The following TPPP variants were observed in gnomAD, a reference collection of about 807,000 sequenced individuals.
The protein encoded by TPPP is tubulin polymerization promoting protein.
Under a neutral mutation model 15.5 loss-of-function variants are expected in TPPP, and 6 were observed. That is an observed-to-expected ratio of 0.39 (90% CI 0.21 to 0.77). The LOEUF is 0.77. TPPP is among the 30% of genes least tolerant of loss of function. The probability of loss-of-function intolerance (pLI) is 0.42; values close to 1 mark genes in which losing one functional copy is unlikely to be tolerated. For synonymous variants in TPPP, 146 were observed against 133.9 expected (o/e 1.09, Z -0.63); for missense variants, 269 against 307.2 (o/e 0.88, Z 0.93).
intron 2 of TPPP, chr5:667,254 G>GA (rs1454696378): frequency 6.6e-6 from 1 of 152,232 alleles, no homozygotes; most frequent in Non-Finnish European, 1.5e-5. Context: ...AGCCCAGGGG[G>GA]AGTCTGGCTC....
chr5:667,526 A>C (rs1217887895), intron 2 of TPPP, among the ~76,000 whole-genome samples: 1 of 152,220 alleles, frequency 6.6e-6, no homozygotes, highest in Non-Finnish European at 1.5e-5. Flanking sequence ...AGAAATGGCA[A>C]CAAAACATGG....
intron 1 of TPPP, among the ~76,000 whole-genome samples, chr5:685,752 G>A (rs1213005583): frequency 1.3e-5 from 2 of 152,218 alleles, no homozygotes; most frequent in Non-Finnish European, 2.9e-5. Flanking sequence ...TGGCCACTCT[G>A]GGGACGGCCA....
At chr5:669,002 C>T (rs1200869313) in intron 2 of TPPP, among the ~76,000 whole-genome samples, 2 of 152,238 alleles carry the variant, frequency 1.3e-5, no homozygotes, top group East Asian at 1.9e-4. Context: ...ACACGCGTGT[C>T]CTAAAGACAC....
chr5:694,873 C>A (rs1397083824), upstream of TPPP, among the ~76,000 whole-genome samples: 1 of 1,202 alleles, frequency 8.3e-4, no homozygotes, highest in African/African-American at 2.6e-3. Flanking sequence ...CAAGGGGACT[C>A]TTCAGTGCAT....
At chr5:697,673 C>T (rs906214779), upstream of TPPP, among the ~76,000 whole-genome samples, 20 of 152,044 alleles carry the variant, frequency 1.3e-4, no homozygotes, top group African/African-American at 4.8e-4. Context: ...GTTTTCCCCA[C>T]TGCCAGAAGT....
chr5:683,219 C>A (rs1046367792), intron 1 of TPPP, among the ~76,000 whole-genome samples: 10 of 152,200 alleles, frequency 6.6e-5, no homozygotes, highest in African/African-American at 2.4e-4. Context: ...GGTGCAGCCC[C>A]CTCCCCATCT....
intron 2 of TPPP, among the ~76,000 whole-genome samples, chr5:671,847 A>G (rs960361946): frequency 5.9e-5 from 9 of 152,200 alleles, no homozygotes; most frequent in African/African-American, 2.2e-4. Context: ...ACCCACAGCA[A>G]TGGAGGGACA....
At chr5:687,217 C>G (rs1338339738) in intron 1 of TPPP, among the ~76,000 whole-genome samples, 3 of 141,502 alleles carry the variant, frequency 2.1e-5, no homozygotes, top group East Asian at 3.9e-4. Flanking sequence ...CTTCTGGTCT[C>G]CAGGAGGATG....
chr5:676,983 C>T lies in TPPP; in HGVS notation c.311+767G>A, dbSNP rs560143620. Among the ~76,000 whole-genome samples, 164 of 113,730 alleles carry T rather than the reference C, an allele frequency of 1.4e-3. No homozygotes were observed. In the Middle Eastern group the frequency reaches 0.024, roughly 17 times the overall value. 74.6% of individuals were successfully genotyped at this position (113,730 alleles called of 152,430 possible). A position where few individuals can be genotyped will look rare whatever the true frequency, so the allele number is the denominator to read the frequency against. The stretch of plus-strand genomic sequence containing the variant: ...CGTGCACACAGAAACGCACACACGA[C>T]GCAGAAACGCGCACACGTGCACACG... On this transcript the variant is annotated intron_variant, in intron 2 of 3. Transcript: ENST00000360578.
At chr5:693,867 G>C (rs1188515884), upstream of TPPP, among the ~76,000 whole-genome samples, 1 of 149,534 alleles carries the variant, frequency 6.7e-6, no homozygotes, top group Non-Finnish European at 1.5e-5. Context: ...CGGCAGGGCC[G>C]GGCTGTGAGG....
chr5:698,637 C>G, the TPPP span, among the ~76,000 whole-genome samples: 5 of 151,854 alleles, frequency 3.3e-5, no homozygotes, highest in Non-Finnish European at 7.4e-5. Context: ...GAGACTTATT[C>G]ACTCCCATGA....
intron 1 of TPPP, among the ~76,000 whole-genome samples, chr5:691,719 C>T (rs1379193571): frequency 1.4e-4 from 6 of 41,902 alleles, no homozygotes; most frequent in Non-Finnish European, 3.0e-4. Context: ...AACAATAGCC[C>T]CCAACCCCCA....
chr5:669,541 C>T (rs183255124), intron 2 of TPPP, among the ~76,000 whole-genome samples: 27 of 152,302 alleles, frequency 1.8e-4, no homozygotes, highest in African/African-American at 6.3e-4. Context: ...TATTCCCACC[C>T]TGCCCAAGCT....
At chr5:674,433 G>A (rs370710526) in intron 2 of TPPP, among the ~76,000 whole-genome samples, 11 of 150,838 alleles carry the variant, frequency 7.3e-5, no homozygotes, top group Non-Finnish European at 1.3e-4. Flanking sequence ...GCCACACTGC[G>A]AACCCCACCT....
intron 1 of TPPP, chr5:692,605 C>T (rs1457109676): frequency 1.4e-5 from 14 of 983,596 alleles, no homozygotes; most frequent in East Asian, 1.1e-4. Context: ...GAATAAAGGG[C>T]TCCTCAGATC....
intron 1 of TPPP, among the ~76,000 whole-genome samples, chr5:693,056 A>G (rs558539069): frequency 0.075 from 10,953 of 146,884 alleles, 808 homozygotes; most frequent in African/African-American, 0.26. Context: ...CGGCCTTTGC[A>G]AAGCCTCCCC....
chr5:700,199 C>T, the TPPP span, among the ~76,000 whole-genome samples: 9 of 152,074 alleles, frequency 5.9e-5, no homozygotes, highest in South Asian at 1.5e-3. Context: ...CCTAAGCATC[C>T]ATCAGTGGAG....
chr5:666,181 C>G, intron 2 of TPPP, 58 bp from the exon 3 acceptor site: 1 of 1,582,866 alleles, frequency 6.3e-7, no homozygotes, highest in Non-Finnish European at 8.6e-7. Context: ...CTGCCCTCCC[C>G]ACGCGTGGGT....
rs748925097 is a variant in TPPP at position 677,913 on chromosome 5, C to T, written c.148G>A (p.Ala50Thr). Reference sequence around the variant, plus strand: ...AAGCGCCGGAAGGCCTCCTCCAGGGCACTGAGCTCAGGGGATGCGGCTGCC... The same window carrying T: ...AAGCGCCGGAAGGCCTCCTCCAGGGTACTGAGCTCAGGGGATGCGGCTGCC... Reference protein sequence around the residue: ...EGAAASPELSALEEAFRRFAV... With the variant: ...EGAAASPELSTLEEAFRRFAV... The change falls in exon 2 of 4, where the codon GCC (alanine) becomes ACC (threonine). Residue 50 changes from alanine (A) to threonine (T), a missense_variant. Ala to Thr is a moderately conservative substitution (Grantham distance 58). Coordinates refer to ENST00000360578, the MANE Select transcript of TPPP (RefSeq NM_007030.3). 5.6e-6 allele frequency: 9 copies of T among 1,612,712 alleles called. No homozygotes were observed. The East Asian group carries it at 1.8e-4, about 32-fold the overall frequency.
Sources: gnomAD v4.1 joint callset for allele counts (sites outside exome capture counted in the v4.1 genomes callset) on GRCh38, gnomAD v4.1.1 for gene constraint, MANE v1.5 for transcripts, NCBI Gene and HGNC (gene_info 2026-07-23, HGNC 2026-07-21) for gene names.